SPATA2: variants seen among roughly 807,000 people sequenced by gnomAD.
SPATA2 encodes spermatogenesis associated 2.
Under a neutral mutation model 35.4 loss-of-function variants are expected in SPATA2, and 8 were observed. The ratio of observed to expected loss-of-function variants is 0.23; its 90% CI spans 0.13 to 0.41. The LOEUF (loss-of-function observed/expected upper bound fraction) is 0.41. Ranked by LOEUF, SPATA2 falls within the 10% of genes least tolerant of loss-of-function variation. The probability of loss-of-function intolerance (pLI) is 1.00; values close to 1 mark genes in which losing one functional copy is unlikely to be tolerated. For missense variants in SPATA2, 650 were observed against 698.7 expected, an observed-to-expected ratio of 0.93 and a Z score of 0.79; for synonymous variants, 293 against 300.9, an observed-to-expected ratio of 0.97 and a Z score of 0.27.
Position 49,906,467 on chromosome 20 carries a change from C to T in SPATA2, c.715G>A (p.Ala239Thr). The T allele has an allele frequency of 6.2e-7, 1 of 1,611,150 alleles. No individual in the cohort carries two copies. The highest frequency in any genetic ancestry group is 8.5e-7 in the Non-Finnish European group (1 of 1,179,938). Residue 239 changes from alanine to threonine, a missense_variant, in exon 3 of 3, where the codon GCC becomes ACC. Physicochemically the swap from Ala to Thr is moderately conservative, Grantham distance 58. Transcript: ENST00000289431. This position sits in a 1 kb window ranked among gnomAD's most constrained non-coding sequence, Gnocchi z 8.2. ...ACGCGGGGCTTGTAGTAGTCCTTGG[C>T]CGCCCGCTCGCTGGCCGACTTCTGG... is the stretch of plus-strand genomic sequence containing the variant. ...ALQKSASERA[A>T]KDYYKPRVTK...
At chr20:49,915,158 C>A (rs1228356950) in intron 1 of SPATA2, among the ~76,000 whole-genome samples, 1 of 152,172 alleles carries the variant, frequency 6.6e-6, no homozygotes, top group Non-Finnish European at 1.5e-5. Flanking sequence ...CTGAGCCACC[C>A]TCGGCGGGTC....
intron 1 of SPATA2, among the ~76,000 whole-genome samples, chr20:49,913,894 C>G (rs899708857): frequency 6.6e-6 from 1 of 152,106 alleles, no homozygotes; most frequent in African/African-American, 2.4e-5. Context: ...TCATTCCCAG[C>G]ACTCTGCAAG....
chr20:49,906,992 C>CA lies in SPATA2; in HGVS notation c.337-148_337-147insT. On this transcript the variant is annotated intron_variant, in intron 2 of 2. Coordinates refer to ENST00000289431, the MANE Select transcript of SPATA2 (RefSeq NM_006038.4). This position sits in a 1 kb window ranked among gnomAD's most constrained non-coding sequence, Gnocchi z 8.2. ...GAAGGATCTCGACAGCCTCACCCTG[C>CA]GGGAGGCAGAAGACGCAGGAGCTGG... 2.4e-6 allele frequency: 2 copies of CA among 842,608 alleles called. No individual in the cohort carries two copies. Among genetic ancestry groups the CA allele is most frequent in the Non-Finnish European group, 3.6e-6 (2 of 550,180 alleles). The allele number at this position is 842,608 out of a possible 1,614,324, so 52.2% of individuals were successfully genotyped here. A position where few individuals can be genotyped will look rare whatever the true frequency, so the allele number is the denominator to read the frequency against.
chr20:49,911,210 T>C (rs912576773), intron 1 of SPATA2, among the ~76,000 whole-genome samples: 6 of 152,174 alleles, frequency 3.9e-5, no homozygotes, highest in Admixed American at 2.6e-4. Context: ...TCTGAAACTA[T>C]CAACTTCATT....
intron 1 of SPATA2, among the ~76,000 whole-genome samples, chr20:49,913,127 G>GGAAA (rs1555854480): frequency 6.6e-6 from 1 of 151,998 alleles, no homozygotes; most frequent in Non-Finnish European, 1.5e-5. Context: ...AATAAGGAAA[G>GGAAA]GAAAGAAAGA....
Position 49,905,371 on chromosome 20 carries a change from G to A in SPATA2, c.*248C>T. 1 of 540,938 alleles carries A rather than the reference G, an allele frequency of 1.8e-6. No individual in the cohort carries two copies. 33.5% of individuals were successfully genotyped at this position (540,938 alleles called of 1,614,324 possible). A position where few individuals can be genotyped will look rare whatever the true frequency, so the allele number is the denominator to read the frequency against. On this transcript the variant is annotated 3_prime_UTR_variant, in exon 3 of 3. Coordinates refer to ENST00000289431, the MANE Select transcript of SPATA2 (RefSeq NM_006038.4). ...AAGAACCAACTGAACAGGGAGTGGA[G>A]AGATTAGCAAAATGAATCTGAACGG...
chr20:49,908,548 T>A lies in SPATA2; in HGVS notation c.-58A>T, dbSNP rs1468600443. ...GGCTTCTGGATTAGAGGCAGGGACATCACTAAAAGCATGGACATGTTGCCG... is the reference window on the plus strand; with the variant it reads ...GGCTTCTGGATTAGAGGCAGGGACAACACTAAAAGCATGGACATGTTGCCG... On this transcript the variant is annotated 5_prime_UTR_variant, in exon 2 of 3. An upstream start codon of the reference 5' UTR is lost. Coordinates refer to ENST00000289431, the MANE Select transcript of SPATA2 (RefSeq NM_006038.4). The A allele has an allele frequency of 7.0e-7, 1 of 1,419,044 alleles. No homozygotes were observed. Among genetic ancestry groups the A allele is most frequent in the African/African-American group, 1.4e-5 (1 of 70,408 alleles). The allele number at this position is 1,419,044 out of a possible 1,614,324, so 87.9% of individuals were successfully genotyped here. A position where few individuals can be genotyped will look rare whatever the true frequency, so the allele number is the denominator to read the frequency against.
Position 49,908,404 on chromosome 20 carries a change from G to A in SPATA2, c.87C>T (p.Thr29=), listed in dbSNP as rs563061793. 1.2e-6 allele frequency: 2 copies of A among 1,614,086 alleles called. No individual in the cohort carries two copies. Among genetic ancestry groups the A allele is most frequent in the South Asian group, 1.1e-5 (1 of 91,086 alleles). Residue 29 remains threonine (T), a synonymous_variant, in exon 2 of 3, where the codon ACC becomes ACT. Transcript: ENST00000289431. ...YVQFHESKVD[T]TTSRQRPGSD... ...TGCCAGGCCGCTGCCTGCTGGTGGT[G>A]GTATCCACTTTGCTCTCATGGAACT...
rs887254823 is a variant in SPATA2, at chr20:49,905,209, G to C, written c.*410C>G. ...AGCTCGCCGCTCCAGGTGGATGTTT[G>C]GTGACCTGAAGGGCCCTTCCCAGTC... is the stretch of plus-strand genomic sequence containing the variant. On this transcript the variant is annotated 3_prime_UTR_variant, in exon 3 of 3. Transcript: ENST00000289431. 1 of 170,594 alleles carries C rather than the reference G, an allele frequency of 5.9e-6. No individual in the cohort carries two copies. Among genetic ancestry groups the C allele is most frequent in the African/African-American group, 2.4e-5 (1 of 41,876 alleles). 10.6% of individuals were successfully genotyped at this position (170,594 alleles called of 1,614,324 possible).
In SPATA2 at chr20:49,906,309, G is replaced by A. The variant is rs747487663; in HGVS notation, c.873C>T (p.Ile291=). Residue 291 remains isoleucine, a synonymous_variant, in exon 3 of 3, where the codon ATC becomes ATT. Transcript: ENST00000289431. This position sits in a 1 kb window ranked among gnomAD's most constrained non-coding sequence, Gnocchi z 8.2. The part of the protein sequence containing the change: ...TDVGDDLKDE[I]IRPSPSLLTM... ...TCAGCAGCGAAGGGGATGGGCGGAT[G>A]ATCTCATCCTTGAGGTCGTCCCCCA... 3 of 1,595,264 alleles carry A rather than the reference G, an allele frequency of 1.9e-6. No individual in the cohort carries two copies. The highest frequency in any genetic ancestry group is 2.6e-6 in the Non-Finnish European group (3 of 1,169,270).
intron 1 of SPATA2, among the ~76,000 whole-genome samples, chr20:49,912,147 T>C (rs893521518): frequency 1.3e-5 from 2 of 152,168 alleles, no homozygotes; most frequent in African/African-American, 2.4e-5. Flanking sequence ...TTAAAATGTA[T>C]ATTCTCTTAA....
chr20:49,914,591 C>T (rs1308529251), intron 1 of SPATA2, among the ~76,000 whole-genome samples: 1 of 152,122 alleles, frequency 6.6e-6, no homozygotes, highest in Non-Finnish European at 1.5e-5. Context: ...CCAGAAGGTC[C>T]CCACACTCCT....
rs1460606063 is a variant in SPATA2, at chr20:49,915,468, C to A, written c.-191G>T. On this transcript the variant is annotated 5_prime_UTR_variant, in exon 1 of 3. It adds an upstream start codon to the 5' untranslated region. Transcript: ENST00000289431. ...GAGCCGGGCCCCGTCGGGCTCTAGC[C>A]TCTCCGGCCGGCTGCAGGGGTACTG... 6.6e-6 allele frequency: 1 copy of A among 152,250 alleles called. No individual in the cohort carries two copies. Among genetic ancestry groups the A allele is most frequent in the Non-Finnish European group, 1.5e-5 (1 of 68,052 alleles). The allele number at this position is 152,250 out of a possible 1,614,324, so 9.4% of individuals were successfully genotyped here.
chr20:49,914,842 T>C (rs1407324743), intron 1 of SPATA2, among the ~76,000 whole-genome samples: 2 of 152,224 alleles, frequency 1.3e-5, no homozygotes, highest in East Asian at 1.9e-4. Context: ...TGGCCCCCCC[T>C]ACGGCTTCGT....
In SPATA2 at chr20:49,906,474, C is replaced by A; in HGVS notation, c.708G>T (p.Glu236Asp). 1 of 1,611,238 alleles carries A rather than the reference C, an allele frequency of 6.2e-7. No individual in the cohort carries two copies. The highest frequency in any genetic ancestry group is 8.5e-7 in the Non-Finnish European group (1 of 1,179,924). The change falls in exon 3 of 3, where the codon GAG becomes GAT. Residue 236 changes from glutamate (E) to aspartate (D), a missense_variant. Physicochemically the swap from Glu to Asp is conservative, Grantham distance 45 (BLOSUM62 2). Transcript: ENST00000289431. The surrounding 1 kb of genome is among the most constrained non-coding windows in gnomAD (Gnocchi z 8.2). Reference protein sequence around the residue: ...SRVALQKSASERAAKDYYKPR... With the variant: ...SRVALQKSASDRAAKDYYKPR... ...GCTTGTAGTAGTCCTTGGCCGCCCG[C>A]TCGCTGGCCGACTTCTGGAGTGCCA...
At position 49,915,474 on chromosome 20, in the gene SPATA2, G is replaced by C. The variant is rs1051898277; in HGVS notation, c.-197C>G. The stretch of plus-strand genomic sequence containing the variant: ...GGCCCCGTCGGGCTCTAGCCTCTCC[G>C]GCCGGCTGCAGGGGTACTGAGACCA... On this transcript the variant is annotated 5_prime_UTR_variant, in exon 1 of 3. Transcript: ENST00000289431. 6.6e-6 allele frequency: 1 copy of C among 152,220 alleles called. No individual in the cohort carries two copies. The highest frequency in any genetic ancestry group is 2.1e-4 in the South Asian group (1 of 4,836). 9.4% of individuals were successfully genotyped at this position (152,220 alleles called of 1,614,324 possible).
chr20:49,905,624 T>C lies in SPATA2; in HGVS notation c.1558A>G (p.Arg520Gly), dbSNP rs757859793. The change falls in exon 3 of 3, where the codon AGA becomes GGA. Residue 520 changes from arginine (R) to glycine (G), a missense_variant. By Grantham distance (125) the Arg-to-Gly change is moderately radical. Transcript: ENST00000289431. ...KSTQLSHLVY[R>G] ...CTGGAAGGGGCGAGGCCGGTCTATCTGTACACGAGATGGGAGAGCTGGGTG... is the reference window on the plus strand; with the variant it reads ...CTGGAAGGGGCGAGGCCGGTCTATCCGTACACGAGATGGGAGAGCTGGGTG... The C allele has an allele frequency of 1.2e-6, 2 of 1,614,128 alleles. No individual in the cohort carries two copies. Among genetic ancestry groups the C allele is most frequent in the African/African-American group, 1.3e-5 (1 of 75,068 alleles).
chr20:49,914,197 A>G (rs534447862), intron 1 of SPATA2, among the ~76,000 whole-genome samples: 13 of 152,294 alleles, frequency 8.5e-5, no homozygotes, highest in African/African-American at 3.1e-4. Flanking sequence ...GATATTGCAC[A>G]GTCAGGGAGC....
intron 1 of SPATA2, 56 bp downstream of exon 1, chr20:49,915,324 C>T (rs1396015334): frequency 6.6e-6 from 1 of 152,534 alleles, no homozygotes; most frequent in African/African-American, 2.4e-5. Flanking sequence ...TCTGGCGCCC[C>T]CTCCGCCTGG....
Sources: gnomAD v4.1 joint callset for allele counts (sites outside exome capture counted in the v4.1 genomes callset) on GRCh38, gnomAD v4.1.1 for gene constraint, Gnocchi (gnomAD v3.1) non-coding constraint, MANE v1.5 for transcripts, NCBI Gene and HGNC (gene_info 2026-07-23, HGNC 2026-07-21) for gene names.